MARCHF6: variants seen among roughly 807,000 people sequenced by gnomAD.
MARCHF6 encodes E3 ubiquitin-protein ligase MARCHF6.
A neutral mutation model predicts 133.7 loss-of-function variants in MARCHF6; 31 were observed. The observed-to-expected ratio is 0.23, with a 90% CI of 0.17 to 0.31. The LOEUF is 0.31. MARCHF6 is among the 10% of genes least tolerant of loss of function. MARCHF6 has a pLI of 1.00. For synonymous variants in MARCHF6, 395 were observed against 402.5 expected, an observed-to-expected ratio of 0.98 and a Z score of 0.22; for missense variants, 723 against 1,121.6, an observed-to-expected ratio of 0.64 and a Z score of 5.08.
chr5:10,419,251 A>G (rs983549662), intron 22 of MARCHF6, among the ~76,000 whole-genome samples: 1 of 152,144 alleles, frequency 6.6e-6, no homozygotes, highest in Non-Finnish European at 1.5e-5. Flanking sequence ...TCAGTATAGT[A>G]TTCAGTAAAT....
intron 1 of MARCHF6, among the ~76,000 whole-genome samples, chr5:10,372,013 T>G (rs1334293893): frequency 1.3e-4 from 19 of 151,216 alleles, no homozygotes; most frequent in Non-Finnish European, 2.5e-4. Context: ...TAATGCCCAC[T>G]CCTCATAGAT....
chr5:10,410,017 A>T, intron 17 of MARCHF6, 122 bp from the exon 18 acceptor site: 1 of 1,031,950 alleles, frequency 9.7e-7, no homozygotes, highest in Non-Finnish European at 1.4e-6. Flanking sequence ...TTGGAGAGAG[A>T]ATGAAAGGAG....
chr5:10,379,141 A>G (rs144247390), intron 3 of MARCHF6, among the ~76,000 whole-genome samples: 1 of 152,126 alleles, frequency 6.6e-6, no homozygotes, highest in Non-Finnish European at 1.5e-5. Context: ...TAACAAGTCC[A>G]CATGAACCCA....
At chr5:10,422,378 T>A (rs1739870838) in intron 22 of MARCHF6, among the ~76,000 whole-genome samples, 2 of 152,174 alleles carry the variant, frequency 1.3e-5, no homozygotes, top group South Asian at 4.1e-4. Flanking sequence ...GATTCTGTAG[T>A]TTGAAGGGGC....
chr5:10,357,450 G>C (rs1294704512), intron 1 of MARCHF6, among the ~76,000 whole-genome samples: 4 of 151,530 alleles, frequency 2.6e-5, no homozygotes, highest in Non-Finnish European at 5.9e-5. Flanking sequence ...TACCAAAGCA[G>C]CTGTTCTTTA....
intron 25 of MARCHF6, 85 bp downstream of exon 25, chr5:10,430,113 A>G (rs1481601143): frequency 6.9e-7 from 1 of 1,445,760 alleles, no homozygotes; most frequent in African/African-American, 1.4e-5. Flanking sequence ...ATAGGAGGGA[A>G]ACATGCTCAG....
intron 1 of MARCHF6, among the ~76,000 whole-genome samples, chr5:10,362,663 G>T (rs571276816): frequency 6.6e-5 from 10 of 152,246 alleles, no homozygotes; most frequent in African/African-American, 2.2e-4. Context: ...AAGTGTTTTG[G>T]TTAGTGTATA....
At chr5:10,370,425 A>G (rs1261847591) in intron 1 of MARCHF6, among the ~76,000 whole-genome samples, 2 of 152,132 alleles carry the variant, frequency 1.3e-5, no homozygotes, top group Non-Finnish European at 2.9e-5. Flanking sequence ...TTATTAAAAA[A>G]TTTGATTGTG....
In MARCHF6 at chr5:10,429,756, G is replaced by A. The variant is rs1010892673; in HGVS notation, c.2507-137G>A. 4.6e-5 allele frequency: 31 copies of A among 674,786 alleles called. No individual in the cohort carries two copies. The African/African-American group carries it at 5.4e-4, about 12-fold the overall frequency. 41.8% of individuals were successfully genotyped at this position (674,786 alleles called of 1,614,324 possible). A position where few individuals can be genotyped will look rare whatever the true frequency, so the allele number is the denominator to read the frequency against. On this transcript the variant is annotated intron_variant, in intron 24 of 25. Transcript: ENST00000274140. ...TCAGAAAGGGCTCATGACCTACACA[G>A]ATTGTAGAAAGTTAACAGACCTGGG...
chr5:10,365,437 A>T (rs1374835621), intron 1 of MARCHF6, among the ~76,000 whole-genome samples: 1 of 151,972 alleles, frequency 6.6e-6, no homozygotes, highest in Non-Finnish European at 1.5e-5. Flanking sequence ...AGTAGCTGGG[A>T]TTACAGGCAT....
intron 10 of MARCHF6, among the ~76,000 whole-genome samples, chr5:10,399,169 C>A (rs929976955): frequency 6.6e-6 from 1 of 152,116 alleles, no homozygotes; most frequent in Non-Finnish European, 1.5e-5. Flanking sequence ...AAACTTGCCC[C>A]TCCCAGGGGC....
At chr5:10,378,657 GCT>G in intron 2 of MARCHF6, 100 bp from the exon 3 acceptor site, 2 of 725,930 alleles carry the variant, frequency 2.8e-6, no homozygotes, top group Non-Finnish European at 2.2e-6. Flanking sequence ...GAAACTAAAA[GCT>G]CTGTGATATA....
chr5:10,385,489 TA>T (rs1737410639), intron 4 of MARCHF6, among the ~76,000 whole-genome samples: 1 of 152,158 alleles, frequency 6.6e-6, no homozygotes, highest in African/African-American at 2.4e-5. Context: ...TCTGTAATCA[TA>T]AGGGTTTAGA....
intron 22 of MARCHF6, 133 bp downstream of exon 22, chr5:10,417,537 G>C: frequency 1.7e-6 from 2 of 1,163,514 alleles, no homozygotes; most frequent in South Asian, 1.3e-5. Flanking sequence ...CTTGCACCCA[G>C]GAGTTCGAGA....
intron 9 of MARCHF6, among the ~76,000 whole-genome samples, chr5:10,396,603 G>C (rs1226887185): frequency 6.6e-6 from 1 of 152,192 alleles, no homozygotes; most frequent in African/African-American, 2.4e-5. Context: ...TTGCGGGGAA[G>C]GTTGTGGGCA....
At chr5:10,395,607 TG>T (rs1465410420) in intron 9 of MARCHF6, among the ~76,000 whole-genome samples, 2 of 152,216 alleles carry the variant, frequency 1.3e-5, no homozygotes, top group African/African-American at 4.8e-5. Context: ...ATTTGCCATT[TG>T]GGATTTTTAA....
chr5:10,428,885 AAG>A (rs1179364889), intron 24 of MARCHF6, among the ~76,000 whole-genome samples: 5 of 152,310 alleles, frequency 3.3e-5, no homozygotes, highest in Non-Finnish European at 7.3e-5. Flanking sequence ...GGAAGGGAAA[AAG>A]AGTGGCAAAT....
At position 10,405,659 on chromosome 5, in the gene MARCHF6, A is replaced by T. The variant is rs746409883; in HGVS notation, c.1434A>T (p.Arg478=). 17 of 1,596,394 alleles carry T rather than the reference A, an allele frequency of 1.1e-5. No individual in the cohort carries two copies. The South Asian group carries it at 1.9e-4, about 17-fold the overall frequency. ...MIHLPIYRHL[R]RFILSVIVFG... is the part of the protein sequence containing the mutation. Reference sequence around the variant, plus strand: ...ATTTGCCAATATATAGGCATCTCCGAAGATTTATTTTGTCAGTGGTAAGAA... The same window carrying T: ...ATTTGCCAATATATAGGCATCTCCGTAGATTTATTTTGTCAGTGGTAAGAA... The change falls in exon 16 of 26, where the codon CGA becomes CGT. Residue 478 remains arginine, a synonymous_variant. Transcript: ENST00000274140.
At chr5:10,415,211 T>C (rs1479848696) in intron 20 of MARCHF6, among the ~76,000 whole-genome samples, 1 of 152,228 alleles carries the variant, frequency 6.6e-6, no homozygotes, top group Non-Finnish European at 1.5e-5. Context: ...TCAAAAGCTT[T>C]TTTAGACCTA....
Sources: allele counts gnomAD v4.1 joint callset (sites outside exome capture counted in the v4.1 genomes callset), GRCh38; gene constraint gnomAD v4.1.1; transcripts MANE v1.5; gene names NCBI Gene and HGNC (gene_info 2026-07-23, HGNC 2026-07-21).